KDELR2: variants seen among roughly 807,000 people sequenced by gnomAD.
KDELR2 encodes the protein ER lumen protein-retaining receptor 2.
In KDELR2, 15 loss-of-function variants were observed where a neutral mutation model predicts 23.9. The ratio of observed to expected loss-of-function variants is 0.63; its 90% CI spans 0.42 to 0.97. The LOEUF (loss-of-function observed/expected upper bound fraction) is 0.97. KDELR2 is among the 50% of genes least tolerant of loss of function. The pLI, the probability that KDELR2 is intolerant of heterozygous loss-of-function variation, is 0.00. For synonymous variants in KDELR2, 119 were observed against 106.2 expected, an observed-to-expected ratio of 1.12 and a Z score of -0.74; for missense variants, 272 against 254.6, an observed-to-expected ratio of 1.07 and a Z score of -0.46.
chr7:6,473,878 G>A (rs769940552), intron 2 of KDELR2, among the ~76,000 whole-genome samples: 63 of 152,172 alleles, frequency 4.1e-4, no homozygotes, highest in South Asian at 6.2e-4. Context: ...AATAGTTACC[G>A]CTCTTACTTA....
At chr7:6,475,855 A>G (rs1785738765) in intron 1 of KDELR2, among the ~76,000 whole-genome samples, 1 of 152,234 alleles carries the variant, frequency 6.6e-6, no homozygotes, top group Admixed American at 6.5e-5. Flanking sequence ...ATTTAACAGA[A>G]AAGTCACTTC....
At chr7:6,483,750 T>G (rs1785965101) in intron 1 of KDELR2, among the ~76,000 whole-genome samples, 1 of 152,078 alleles carries the variant, frequency 6.6e-6, no homozygotes, top group Admixed American at 6.5e-5. Flanking sequence ...GGGGACCGAC[T>G]GCAGAGCGGG....
chr7:6,464,784 G>A (rs1265245537), intron 4 of KDELR2, among the ~76,000 whole-genome samples: 1 of 143,282 alleles, frequency 7.0e-6, no homozygotes, highest in African/African-American at 2.6e-5. Context: ...TCCCTAGGCT[G>A]GAGTGCAATG....
intron 1 of KDELR2, among the ~76,000 whole-genome samples, chr7:6,480,101 G>A (rs1785856753): frequency 1.3e-5 from 2 of 152,214 alleles, no homozygotes; most frequent in African/African-American, 4.8e-5. Context: ...AGCAACAGGG[G>A]AAGGAGGGAA....
intron 1 of KDELR2, chr7:6,482,573 A>T (rs1785923517): frequency 8.5e-6 from 4 of 470,930 alleles, no homozygotes; most frequent in Non-Finnish European, 1.8e-5. Context: ...GTTATGTTCC[A>T]AGGAGACAGG....
At chr7:6,470,592 T>A (rs1219162856) in intron 2 of KDELR2, among the ~76,000 whole-genome samples, 1 of 152,194 alleles carries the variant, frequency 6.6e-6, no homozygotes, top group Non-Finnish European at 1.5e-5. Flanking sequence ...ACAATAATTA[T>A]ACATATGTAC....
rs1280184250 is a variant in KDELR2, at chr7:6,466,231, G to A, written c.444C>T (p.Thr148=). ...ISKTGEAETI[T]THYLFFLGLY... ...GGCCCAGGAAGAACAGGTAGTGGGT[G>A]GTGATGGTCTCGGCCTCCCCAGTCT... Residue 148 remains threonine (T), a synonymous_variant, in exon 4 of 5, where the codon ACC becomes ACT. Coordinates refer to ENST00000258739, the MANE Select transcript of KDELR2 (RefSeq NM_006854.4). The A allele has an allele frequency of 3.7e-6, 6 of 1,614,030 alleles. No individual in the cohort carries two copies. Among genetic ancestry groups the A allele is most frequent in the Non-Finnish European group, 4.2e-6 (5 of 1,180,038 alleles).
intron 3 of KDELR2, among the ~76,000 whole-genome samples, chr7:6,467,535 C>T (rs1785528576): frequency 6.6e-6 from 1 of 152,044 alleles, no homozygotes. Context: ...CCGAGACAGG[C>T]AGATCACCTG....
At chr7:6,480,614 G>C (rs917836567) in intron 1 of KDELR2, among the ~76,000 whole-genome samples, 1 of 152,090 alleles carries the variant, frequency 6.6e-6, no homozygotes, top group African/African-American at 2.4e-5. Flanking sequence ...GGGGTAAAAA[G>C]CACCATGGTT....
chr7:6,466,119 C>T lies in KDELR2; in HGVS notation c.556G>A (p.Val186Ile). Residue 186 changes from valine to isoleucine, a missense_variant, in exon 4 of 5, where the codon GTC becomes ATC. Physicochemically the swap from Val to Ile is conservative, Grantham distance 29. Transcript: ENST00000258739. ...AAGTCACAGTATAGGATGGTCTGGA[C>T]TACGCCGGCCACCACAGCAATGAGG... ...FDLIAVVAGV[V>I]QTILYCDFFY... is the part of the protein sequence containing the mutation. The T allele has an allele frequency of 1.2e-6, 2 of 1,614,092 alleles. No homozygotes were observed. The highest frequency in any genetic ancestry group is 1.1e-5 in the South Asian group (1 of 91,082).
At chr7:6,472,418 T>C (rs981694139) in intron 2 of KDELR2, among the ~76,000 whole-genome samples, 1 of 152,068 alleles carries the variant, frequency 6.6e-6, no homozygotes, top group Non-Finnish European at 1.5e-5. Context: ...TTTCAGGACA[T>C]CGTGCTTAGA....
intron 2 of KDELR2, among the ~76,000 whole-genome samples, chr7:6,472,162 T>G (rs919385192): frequency 6.6e-6 from 1 of 151,442 alleles, no homozygotes; most frequent in African/African-American, 2.4e-5. Flanking sequence ...TCTACATGCA[T>G]AAACAAGACA....
At chr7:6,471,172 T>A (rs1267648939) in intron 2 of KDELR2, among the ~76,000 whole-genome samples, 1 of 138,104 alleles carries the variant, frequency 7.2e-6, no homozygotes, top group African/African-American at 2.6e-5. Context: ...TCACATTTGT[T>A]TCGGTTTTTT....
intron 2 of KDELR2, 23 bp downstream of exon 2, chr7:6,474,160 AT>A (rs765527402): frequency 7.1e-7 from 1 of 1,412,538 alleles, no homozygotes; most frequent in Non-Finnish European, 1.0e-6. Flanking sequence ...GATGAAATAC[AT>A]TCCTGTGGAT....
chr7:6,483,882 G>GCCTCT, intron 1 of KDELR2, 85 bp downstream of exon 1: 1 of 1,109,212 alleles, frequency 9.0e-7, no homozygotes, highest in Non-Finnish European at 1.2e-6. Context: ...GGCCCCGCGA[G>GCCTCT]CCGTGGGGTG....
At chr7:6,483,888 G>T in intron 1 of KDELR2, 79 bp downstream of exon 1, 1 of 1,173,066 alleles carries the variant, frequency 8.5e-7, no homozygotes, top group Non-Finnish European at 1.1e-6. Context: ...GCGAGCCGTG[G>T]GGTGGCCGAG....
At chr7:6,472,850 G>A (rs1165389060) in intron 2 of KDELR2, among the ~76,000 whole-genome samples, 5 of 149,506 alleles carry the variant, frequency 3.3e-5, no homozygotes, top group African/African-American at 1.2e-4. Context: ...AAGAAGGAAA[G>A]AAAGAAAGAA....
Position 6,462,905 on chromosome 7 carries a change from A to G in KDELR2, c.*236T>C. On this transcript the variant is annotated 3_prime_UTR_variant, in exon 5 of 5. Coordinates refer to ENST00000258739, the MANE Select transcript of KDELR2 (RefSeq NM_006854.4). ...ACACTGAATTTATTAATACAGCATT[A>G]AGTTTCTTTGTGTAAAAAAATCTTT... 1 of 1,361,914 alleles carries G rather than the reference A, an allele frequency of 7.3e-7. No individual in the cohort carries two copies. Among genetic ancestry groups the G allele is most frequent in the Non-Finnish European group, 1.0e-6 (1 of 996,872 alleles). 84.4% of individuals were successfully genotyped at this position (1,361,914 alleles called of 1,614,324 possible).
intron 4 of KDELR2, among the ~76,000 whole-genome samples, chr7:6,464,107 G>T (rs1233082134): frequency 6.8e-6 from 1 of 147,614 alleles, no homozygotes; most frequent in Non-Finnish European, 1.5e-5. Flanking sequence ...TGAGGCAGGA[G>T]AATCGCTTGA....
Sources: gnomAD v4.1 joint callset for allele counts (sites outside exome capture counted in the v4.1 genomes callset) on GRCh38, gnomAD v4.1.1 for gene constraint, MANE v1.5 for transcripts, NCBI Gene and HGNC (gene_info 2026-07-23, HGNC 2026-07-21) for gene names.